The following FRMPD4 variants were observed in gnomAD, a reference collection of about 807,000 sequenced individuals.
FRMPD4 encodes FERM and PDZ domain containing 4.
Under a neutral mutation model 94.1 loss-of-function variants are expected in FRMPD4, and 22 were observed. The ratio of observed to expected loss-of-function variants is 0.23; its 90% CI spans 0.17 to 0.33. The LOEUF is 0.33. Ranked by LOEUF, FRMPD4 falls within the 10% of genes least tolerant of loss-of-function variation. The probability of loss-of-function intolerance (pLI) is 1.00; values close to 1 mark genes in which losing one functional copy is unlikely to be tolerated. For missense variants in FRMPD4, 1,111 were observed against 1,339.9 expected (o/e 0.83, Z 2.67); for synonymous variants, 631 against 548.6 (o/e 1.15, Z -2.10).
At chrX:12,439,195 A>G (rs1293180077) in intron 1 of FRMPD4, among the ~76,000 whole-genome samples, 1 of 111,319 alleles carries the variant, frequency 9.0e-6, no homozygotes, top group African/African-American at 3.3e-5. Context: ...AACCCAGTGT[A>G]TGCAGCCGTT....
chrX:12,355,051 A>G (rs902879410), intron 1 of FRMPD4, among the ~76,000 whole-genome samples: 2 of 112,113 alleles, frequency 1.8e-5, no homozygotes, highest in African/African-American at 6.5e-5. Context: ...ATAGCATGGC[A>G]TTTTTCCTCT....
intron 1 of FRMPD4, among the ~76,000 whole-genome samples, chrX:11,856,515 TAA>T (rs200631254): frequency 2.7e-5 from 3 of 111,380 alleles, no homozygotes; most frequent in Non-Finnish European, 1.9e-5. Flanking sequence ...CCATTAATGT[TAA>T]AAAAACTCTC....
intron 2 of FRMPD4, among the ~76,000 whole-genome samples, chrX:12,502,577 CAATT>C (rs2057934269): frequency 9.0e-6 from 1 of 110,933 alleles, no homozygotes; most frequent in Non-Finnish European, 1.9e-5. Flanking sequence ...ATAACAGCAT[CAATT>C]AATAATAACT....
At position 12,190,211 on chromosome X, in the gene FRMPD4, A is replaced by G. The variant is rs139892201; in HGVS notation, c.41+51199A>G. 4.1e-3 allele frequency among the ~76,000 whole-genome samples: 454 copies of G among 111,596 alleles called. 3 individuals are homozygous for G. The highest frequency in any genetic ancestry group is 0.014 in the African/African-American group (435 of 30,898). On this transcript the variant is annotated intron_variant, in intron 1 of 16. Coordinates refer to ENST00000675598, the MANE Select transcript of FRMPD4 (RefSeq NM_001368397.1). ...AGAACTTTCATGAAAGAAATTAAAG[A>G]ATGGAATAAATGAAGAGATATCCCA...
intron 1 of FRMPD4, among the ~76,000 whole-genome samples, chrX:12,298,987 G>C (rs1261923413): frequency 9.0e-6 from 1 of 111,659 alleles, no homozygotes; most frequent in Non-Finnish European, 1.9e-5. Flanking sequence ...CCAGGACCAT[G>C]AGAAAACTCT....
chrX:12,430,521 T>G (rs535991291), intron 1 of FRMPD4, among the ~76,000 whole-genome samples: 1 of 112,461 alleles, frequency 8.9e-6, no homozygotes, highest in South Asian at 3.7e-4. Flanking sequence ...GGTGCTCAAT[T>G]AATATGATCA....
At chrX:12,127,224 C>T (rs2055507969) in intron 3 of FRMPD4, among the ~76,000 whole-genome samples, 1 of 111,664 alleles carries the variant, frequency 9.0e-6, no homozygotes, top group South Asian at 3.8e-4. Context: ...TATATTAGTT[C>T]GTTCTCATGC....
intron 3 of FRMPD4, among the ~76,000 whole-genome samples, chrX:11,951,778 A>G (rs189687099): frequency 2.2e-3 from 247 of 112,527 alleles, no homozygotes; most frequent in African/African-American, 7.7e-3. Flanking sequence ...TCACACCTGT[A>G]ATTCCAGCAC....
At chrX:11,985,920 C>T (rs1395367913) in intron 3 of FRMPD4, among the ~76,000 whole-genome samples, 1 of 112,190 alleles carries the variant, frequency 8.9e-6, no homozygotes, top group Admixed American at 9.4e-5. Flanking sequence ...TACTCTAATC[C>T]CTCATACCCA....
At chrX:12,277,497 G>C (rs1439838223) in intron 1 of FRMPD4, among the ~76,000 whole-genome samples, 10 of 111,795 alleles carry the variant, frequency 8.9e-5, no homozygotes. Context: ...GGAAGATAAG[G>C]GTTAGTTTAA....
At chrX:11,870,610 C>G (rs1467744186) in intron 2 of FRMPD4, among the ~76,000 whole-genome samples, 2 of 111,228 alleles carry the variant, frequency 1.8e-5, no homozygotes, top group Non-Finnish European at 3.8e-5. Context: ...TTCATAGTGC[C>G]CAGATACCCA....
At chrX:12,164,042 G>A (rs190347111) in intron 1 of FRMPD4, among the ~76,000 whole-genome samples, 1,591 of 106,590 alleles carry the variant, frequency 0.015, 17 homozygotes, top group Middle Eastern at 0.034. Context: ...TTGCCCCTTA[G>A]TTTTTTTTTT....
chrX:11,845,200 T>C (rs1443963132), intron 1 of FRMPD4, among the ~76,000 whole-genome samples: 3 of 112,148 alleles, frequency 2.7e-5, no homozygotes, highest in African/African-American at 9.7e-5. Flanking sequence ...ACAGTTTCTA[T>C]TGACTATTTT....
chrX:12,205,020 G>C (rs143686362), intron 1 of FRMPD4, among the ~76,000 whole-genome samples: 165 of 107,365 alleles, frequency 1.5e-3, no homozygotes, highest in African/African-American at 5.1e-3. Flanking sequence ...TAAATTATTA[G>C]AGGGCGAAAA....
chrX:11,971,586 C>T (rs897016652), intron 3 of FRMPD4, among the ~76,000 whole-genome samples: 1 of 112,335 alleles, frequency 8.9e-6, no homozygotes, highest in African/African-American at 3.2e-5. Context: ...GATTTTCCCC[C>T]ATTAGTATGT....
intron 1 of FRMPD4, among the ~76,000 whole-genome samples, chrX:12,186,063 G>C (rs1341729604): frequency 9.0e-6 from 1 of 111,614 alleles, no homozygotes; most frequent in African/African-American, 3.3e-5. Context: ...CTGCTTTCAT[G>C]TCTTTTATTG....
At chrX:12,643,466 A>G (rs780376493) in intron 4 of FRMPD4, among the ~76,000 whole-genome samples, 9 of 111,853 alleles carry the variant, frequency 8.0e-5, no homozygotes, top group African/African-American at 2.6e-4. Context: ...TGGCCGTGCT[A>G]CATGGAAAAT....
intron 1 of FRMPD4, among the ~76,000 whole-genome samples, chrX:12,151,126 A>C (rs778121539): frequency 8.9e-6 from 1 of 111,986 alleles, no homozygotes; most frequent in Non-Finnish European, 1.9e-5. Context: ...CCTGTGAAAA[A>C]GCAGAAGGAA....
At chrX:12,382,040 C>G (rs2056325086) in intron 1 of FRMPD4, among the ~76,000 whole-genome samples, 5 of 111,047 alleles carry the variant, frequency 4.5e-5, no homozygotes, top group Admixed American at 2.9e-4. Flanking sequence ...CCCCTACAGA[C>G]ACAGGTGCTG....
Sources: allele counts gnomAD v4.1 joint callset (sites outside exome capture counted in the v4.1 genomes callset), GRCh38; gene constraint gnomAD v4.1.1; transcripts MANE v1.5; gene names NCBI Gene and HGNC (gene_info 2026-07-23, HGNC 2026-07-21).